GPX8: variants seen among roughly 807,000 people sequenced by gnomAD.
GPX8 encodes glutathione peroxidase 8 (putative).
GPX8 carries 12 observed loss-of-function variants against 17.8 expected under a neutral mutation model. That is an observed-to-expected ratio of 0.67 (90% CI 0.43 to 1.09). The LOEUF (loss-of-function observed/expected upper bound fraction) is 1.09. Ranked by LOEUF, GPX8 falls within the 50% of genes least tolerant of loss-of-function variation. The pLI is 0.00. For synonymous variants in GPX8, 86 were observed against 88.1 expected (o/e 0.98, Z 0.14); for missense variants, 209 against 235.6 (o/e 0.89, Z 0.74).
In GPX8 at chr5:55,160,414, A is replaced by G. The variant is rs755405005; in HGVS notation, c.204+18A>G. On this transcript the variant is annotated intron_variant, in intron 1 of 2. Coordinates refer to ENST00000503787, the MANE Select transcript of GPX8 (RefSeq NM_001008397.4). ...AAGGCAAAGTAAGTTGCATCATCTGATTTTTATTGTTATCATTTTTCCTTG... is the reference window on the plus strand; with the variant it reads ...AAGGCAAAGTAAGTTGCATCATCTGGTTTTTATTGTTATCATTTTTCCTTG... The G allele has an allele frequency of 6.3e-7, 1 of 1,583,118 alleles. No homozygotes were observed. Among genetic ancestry groups the G allele is most frequent in the South Asian group, 1.1e-5 (1 of 89,884 alleles).
Position 55,161,229 on chromosome 5 carries a change from G to A in GPX8, c.440G>A (p.Gly147Glu). 6.2e-7 allele frequency: 1 copy of A among 1,613,932 alleles called. No individual in the cohort carries two copies. The highest frequency in any genetic ancestry group is 8.5e-7 in the Non-Finnish European group (1 of 1,179,910). Reference protein sequence around the residue: ...FHKIKILGSEGEPAFRFLVDS... With the variant: ...FHKIKILGSEEEPAFRFLVDS... Reference sequence around the variant, plus strand: ...AAGATTAAGATTCTAGGATCTGAAGGAGAACCTGCATTTAGATTTCTTGTT... The same window carrying A: ...AAGATTAAGATTCTAGGATCTGAAGAAGAACCTGCATTTAGATTTCTTGTT... Residue 147 changes from glycine (G) to glutamate (E), a missense_variant, in exon 2 of 3, where the codon GGA becomes GAA. Gly to Glu is a moderately conservative substitution (Grantham distance 98). Coordinates refer to ENST00000503787, the MANE Select transcript of GPX8 (RefSeq NM_001008397.4).
At chr5:55,160,515 AATGGT>A in intron 1 of GPX8, 119 bp downstream of exon 1, 1 of 695,840 alleles carries the variant, frequency 1.4e-6, no homozygotes, top group African/African-American at 1.8e-5. Context: ...TCTTCAGAGT[AATGGT>A]ATTAGTACAT....
intron 2 of GPX8, 141 bp from the exon 3 acceptor site, chr5:55,163,914 T>C: frequency 3.7e-6 from 2 of 540,474 alleles, no homozygotes; most frequent in Non-Finnish European, 6.0e-6. Flanking sequence ...GAGTTTCACT[T>C]CGTTTGGGTG....
In GPX8 at chr5:55,161,210, A is replaced by T. The variant is rs747022560; in HGVS notation, c.421A>T (p.Lys141Ter). 1 of 1,614,166 alleles carries T rather than the reference A, an allele frequency of 6.2e-7. No individual in the cohort carries two copies. Residue 141 changes from lysine to a stop codon, truncating the protein, a stop_gained, in exon 2 of 3, where the codon AAG becomes TAG. Transcript: ENST00000503787. LOFTEE classifies it high-confidence loss of function. Reference protein sequence around the residue: ...GVTFPIFHKIKILGSEGEPAF... With the variant: ...GVTFPIFHKI ...AACTTTCCCCATCTTCCACAAGATT[A>T]AGATTCTAGGATCTGAAGGAGAACC...
At position 55,160,209 on chromosome 5, in the gene GPX8, C is replaced by T. The variant is rs769593739; in HGVS notation, c.17C>T (p.Ala6Val). 16 of 1,613,954 alleles carry T rather than the reference C, an allele frequency of 9.9e-6. No individual in the cohort carries two copies. The highest frequency in any genetic ancestry group is 1.3e-5 in the African/African-American group (1 of 75,052). The stretch of plus-strand genomic sequence containing the variant: ...TCCTCCAACATGGAGCCTCTTGCAG[C>T]TTACCCGCTAAAATGTTCCGGGCCC... MEPLA[A>V]YPLKCSGPRA... The change falls in exon 1 of 3, where the codon GCT becomes GTT. Residue 6 changes from alanine (A) to valine (V), a missense_variant. Coordinates refer to ENST00000503787, the MANE Select transcript of GPX8 (RefSeq NM_001008397.4).
rs1744279828 is a variant in GPX8, at chr5:55,164,559, A to G, written c.*341A>G. On this transcript the variant is annotated 3_prime_UTR_variant, in exon 3 of 3. Coordinates refer to ENST00000503787, the MANE Select transcript of GPX8 (RefSeq NM_001008397.4). ...AAGAATTCAGAATACACAGTGACCAATGTGCCTCAATATCTTATTGTTCAA... is the reference window on the plus strand; with the variant it reads ...AAGAATTCAGAATACACAGTGACCAGTGTGCCTCAATATCTTATTGTTCAA... 6.3e-6 allele frequency: 1 copy of G among 159,606 alleles called. No individual in the cohort carries two copies. The highest frequency in any genetic ancestry group is 2.0e-4 in the South Asian group (1 of 4,962). 9.9% of individuals were successfully genotyped at this position (159,606 alleles called of 1,614,324 possible).
chr5:55,160,357 A>G lies in GPX8; in HGVS notation c.165A>G (p.Ala55=), dbSNP rs1158506258. The part of the protein sequence containing the change: ...NSFYAFEVKD[A]KGRTVSLEKY... Reference sequence around the variant, plus strand: ...TTTATGCCTTTGAAGTGAAGGATGCAAAAGGAAGAACTGTTTCTCTGGAAA... The same window carrying G: ...TTTATGCCTTTGAAGTGAAGGATGCGAAAGGAAGAACTGTTTCTCTGGAAA... Residue 55 remains alanine (A), a synonymous_variant, in exon 1 of 3, where the codon GCA becomes GCG. Transcript: ENST00000503787. 1 of 1,613,350 alleles carries G rather than the reference A, an allele frequency of 6.2e-7. No individual in the cohort carries two copies. The highest frequency in any genetic ancestry group is 8.5e-7 in the Non-Finnish European group (1 of 1,179,974).
In GPX8 at chr5:55,161,062, A is replaced by C. The variant is rs759765643; in HGVS notation, c.273A>C (p.Glu91Asp). 3.7e-6 allele frequency: 6 copies of C among 1,614,176 alleles called. No homozygotes were observed. Among genetic ancestry groups the C allele is most frequent in the Non-Finnish European group, 5.1e-6 (6 of 1,180,026 alleles). ...LTDRNYLGLK[E>D]LHKEFGPSHF... is the part of the protein sequence containing the mutation. ...ACAGAAATTACTTAGGGCTGAAGGA[A>C]CTGCACAAAGAGTTTGGACCATCCC... The change falls in exon 2 of 3, where the codon GAA becomes GAC. Residue 91 changes from glutamate (E) to aspartate (D), a missense_variant. Coordinates refer to ENST00000503787, the MANE Select transcript of GPX8 (RefSeq NM_001008397.4).
intron 2 of GPX8, among the ~76,000 whole-genome samples, chr5:55,163,437 T>A (rs1054489120): frequency 1.3e-5 from 2 of 152,040 alleles, no homozygotes; most frequent in African/African-American, 4.8e-5. Context: ...AATACAAAAA[T>A]TTGCCTGGTG....
At position 55,164,352 on chromosome 5, in the gene GPX8, A is replaced by C; in HGVS notation, c.*134A>C. 1 of 479,388 alleles carries C rather than the reference A, an allele frequency of 2.1e-6. No individual in the cohort carries two copies. The highest frequency in any genetic ancestry group is 3.4e-6 in the Non-Finnish European group (1 of 295,272). The allele number at this position is 479,388 out of a possible 1,614,324, so 29.7% of individuals were successfully genotyped here. ...GAGTGCAGTAGTGCGTTCTCAGCTCATTGCAACCTCTGCCTTTTTAAACAT... is the reference window on the plus strand; with the variant it reads ...GAGTGCAGTAGTGCGTTCTCAGCTCCTTGCAACCTCTGCCTTTTTAAACAT... On this transcript the variant is annotated 3_prime_UTR_variant, in exon 3 of 3. Transcript: ENST00000503787.
In GPX8 at chr5:55,161,264, CT is replaced by C. The variant is rs763018979; in HGVS notation, c.466+10del. 1.9e-6 allele frequency: 3 copies of C among 1,611,506 alleles called. No homozygotes were observed. The highest frequency in any genetic ancestry group is 2.5e-6 in the Non-Finnish European group (3 of 1,178,328). ...ATTTAGATTTCTTGTTGGTAAATAT[CT>C]GCCTTGCATATGCTGTTTTAAATTG... On this transcript the variant is annotated intron_variant, in intron 2 of 2. Coordinates refer to ENST00000503787, the MANE Select transcript of GPX8 (RefSeq NM_001008397.4).
chr5:55,161,327 T>G, intron 2 of GPX8, 72 bp downstream of exon 2: 1 of 1,366,688 alleles, frequency 7.3e-7, no homozygotes, highest in Non-Finnish European at 1.0e-6. Context: ...GGACAATACT[T>G]TCCTATTTCA....
At chr5:55,161,312 T>C in intron 2 of GPX8, 57 bp downstream of exon 2, 1 of 1,465,210 alleles carries the variant, frequency 6.8e-7, no homozygotes. Context: ...TAAACAATTA[T>C]ACCAGGACAA....
At position 55,163,667 on chromosome 5, in the gene GPX8, C is replaced by T. The variant is rs11750703; in HGVS notation, c.467-388C>T. ...GATTACAGGTGCACACCACCACACC[C>T]GGCTAATTTTTTGTATTTTTAGTAG... On this transcript the variant is annotated intron_variant, in intron 2 of 2. Coordinates refer to ENST00000503787, the MANE Select transcript of GPX8 (RefSeq NM_001008397.4). 5.9e-5 allele frequency among the ~76,000 whole-genome samples: 9 copies of T among 151,426 alleles called. No individual in the cohort carries two copies. In the East Asian group the frequency reaches 9.8e-4, roughly 16 times the overall value.
intron 2 of GPX8, among the ~76,000 whole-genome samples, chr5:55,162,182 G>A (rs1744110018): frequency 6.6e-6 from 1 of 151,282 alleles, no homozygotes; most frequent in South Asian, 2.1e-4. Context: ...GATCACTTAA[G>A]GTCAGGAGTT....
chr5:55,160,900 T>TCC lies in GPX8; in HGVS notation c.205-88_205-87dup, dbSNP rs140700063. On this transcript the variant is annotated intron_variant, in intron 1 of 2. Transcript: ENST00000503787. ...AAAAAACATCAATCAGAGGTTATAG[T>TCC]CCCCCCCAAATTGTTTAGGATTTTA... The TCC allele has an allele frequency of 2.2e-5, 28 of 1,278,022 alleles. No individual in the cohort carries two copies. The African/African-American group carries it at 4.1e-4, about 19-fold the overall frequency. 79.2% of individuals were successfully genotyped at this position (1,278,022 alleles called of 1,614,324 possible). A position where few individuals can be genotyped will look rare whatever the true frequency, so the allele number is the denominator to read the frequency against.
At chr5:55,160,466 C>A in intron 1 of GPX8, 70 bp downstream of exon 1, 3 of 1,268,278 alleles carry the variant, frequency 2.4e-6, no homozygotes, top group South Asian at 2.7e-5. Context: ...TTAATAAAAT[C>A]AATTTTTTGC....
chr5:55,165,639 G>A lies in GPX8; in HGVS notation c.*1421G>A, dbSNP rs1407928771. ...TTCAGAGTCCATATCCAGCCACCCAGCTATGAATGTATTTAGAAAGATATT... is the reference window on the plus strand; with the variant it reads ...TTCAGAGTCCATATCCAGCCACCCAACTATGAATGTATTTAGAAAGATATT... On this transcript the variant is annotated 3_prime_UTR_variant, in exon 3 of 3. Coordinates refer to ENST00000503787, the MANE Select transcript of GPX8 (RefSeq NM_001008397.4). 3 of 152,184 alleles carry A rather than the reference G, an allele frequency of 2.0e-5. No homozygotes were observed. Among genetic ancestry groups the A allele is most frequent in the East Asian group, 3.9e-4 (2 of 5,192 alleles). 9.4% of individuals were successfully genotyped at this position (152,184 alleles called of 1,614,324 possible). A position where few individuals can be genotyped will look rare whatever the true frequency, so the allele number is the denominator to read the frequency against.
rs1353240675 is a variant in GPX8, at chr5:55,165,075, T to A, written c.*857T>A. The A allele has an allele frequency of 6.6e-6, 1 of 152,182 alleles. No individual in the cohort carries two copies. Among genetic ancestry groups the A allele is most frequent in the Non-Finnish European group, 1.5e-5 (1 of 68,030 alleles). 9.4% of individuals were successfully genotyped at this position (152,182 alleles called of 1,614,324 possible). On this transcript the variant is annotated 3_prime_UTR_variant, in exon 3 of 3. Transcript: ENST00000503787. ...TTAACTTGATTCCTTATAGGCTGAT[T>A]TGGGTTGCTAATGTATTCGTACTAG...
Sources: gnomAD v4.1 joint callset for allele counts (sites outside exome capture counted in the v4.1 genomes callset) on GRCh38, gnomAD v4.1.1 for gene constraint, MANE v1.5 for transcripts, NCBI Gene and HGNC (gene_info 2026-07-23, HGNC 2026-07-21) for gene names.